Variants in PYGL observed in about 807,000 individuals in gnomAD.
PYGL encodes glycogen phosphorylase L.
In PYGL, 90 loss-of-function variants were observed where a neutral mutation model predicts 100.1. The observed-to-expected ratio is 0.90, with a 90% CI of 0.76 to 1.07. The LOEUF (loss-of-function observed/expected upper bound fraction) is 1.07, where lower values mean the gene tolerates loss of function less well. Among genes scored for constraint, PYGL ranks in the 50% least tolerant of loss-of-function variants. The pLI is 0.00. For synonymous variants in PYGL, 373 were observed against 393.0 expected (o/e 0.95, Z 0.60); for missense variants, 1,016 against 1,057.6 (o/e 0.96, Z 0.55).
chr14:50,922,051 G>A (rs1490388781), intron 5 of PYGL, among the ~76,000 whole-genome samples: 4 of 152,198 alleles, frequency 2.6e-5, no homozygotes, highest in Non-Finnish European at 4.4e-5. Flanking sequence ...TAGAGAAGAG[G>A]AAGATTAACT....
At chr14:50,941,682 C>A (rs936013910) in intron 1 of PYGL, among the ~76,000 whole-genome samples, 1 of 152,102 alleles carries the variant, frequency 6.6e-6, no homozygotes, top group African/African-American at 2.4e-5. Flanking sequence ...AGTTCGAGAC[C>A]AGCCTGTCCA....
intron 1 of PYGL, among the ~76,000 whole-genome samples, chr14:50,941,785 G>A (rs2050704205): frequency 6.6e-6 from 1 of 152,144 alleles, no homozygotes; most frequent in African/African-American, 2.4e-5. Flanking sequence ...GGCTAAGGCA[G>A]GAGAATCACT....
chr14:50,925,374 G>T (rs1039377964), intron 4 of PYGL, among the ~76,000 whole-genome samples: 4 of 152,170 alleles, frequency 2.6e-5, no homozygotes, highest in African/African-American at 9.7e-5. Flanking sequence ...TTAAAAAATG[G>T]AATTGTGTTC....
intron 1 of PYGL, among the ~76,000 whole-genome samples, chr14:50,942,826 C>T (rs1469102065): frequency 2.1e-5 from 1 of 48,464 alleles, no homozygotes; most frequent in Non-Finnish European, 6.4e-5. Flanking sequence ...CTGTCTCAAA[C>T]AAAACAAAAC....
chr14:50,921,107 AG>A, intron 5 of PYGL, 40 bp from the exon 6 acceptor site: 1 of 1,493,138 alleles, frequency 6.7e-7, no homozygotes, highest in South Asian at 1.1e-5. Context: ...TTGTTTCCCA[AG>A]TGTGATGACA....
In PYGL at chr14:50,940,150, C is replaced by T. The variant is rs80311113; in HGVS notation, c.244-2313G>A. Among the ~76,000 whole-genome samples, 6 of 152,296 alleles carry T rather than the reference C, an allele frequency of 3.9e-5. No homozygotes were observed. The East Asian group carries it at 9.6e-4, about 24-fold the overall frequency. On this transcript the variant is annotated intron_variant, in intron 1 of 19. Transcript: ENST00000216392. Reference sequence around the variant, plus strand: ...ATAGGCAATGGCTGGTGCTCTAGTACGTGATGACCGCTGTCACAGGTAATA... The same window carrying T: ...ATAGGCAATGGCTGGTGCTCTAGTATGTGATGACCGCTGTCACAGGTAATA...
In PYGL at chr14:50,913,123, C is replaced by T. The variant is rs759437587; in HGVS notation, c.1526G>A (p.Gly509Glu). 1.2e-6 allele frequency: 2 copies of T among 1,613,504 alleles called. No individual in the cohort carries two copies. The highest frequency in any genetic ancestry group is 2.2e-5 in the South Asian group (2 of 91,064). Residue 509 changes from glycine to glutamate, a missense_variant, in exon 13 of 20, where the codon GGA (glycine) becomes GAA (glutamate). Transcript: ENST00000216392. The stretch of plus-strand genomic sequence containing the variant: ...GCTCAGGTCTTTCACATAGTCTTCT[C>T]CAATTTTCTTTCAATTCAAAGGAAA... ...GLAELIAEKI[G>E]EDYVKDLSQL...
At chr14:50,908,247 T>C in intron 19 of PYGL, 24 bp downstream of exon 19, 1 of 1,545,086 alleles carries the variant, frequency 6.5e-7, no homozygotes, top group Non-Finnish European at 8.9e-7. Flanking sequence ...TGGTTTTCTT[T>C]ATAAATCTTG....
In PYGL at chr14:50,910,089, TG is replaced by T; in HGVS notation, c.1982del (p.Thr661LysfsTer20). On this transcript the variant is annotated frameshift_variant, in exon 17 of 20. Coordinates refer to ENST00000216392, the MANE Select transcript of PYGL (RefSeq NM_002863.5). LOFTEE classifies it high-confidence loss of function. The stretch of plus-strand genomic sequence containing the variant: ...CAGTGGAAATCTGCTCTGACAGATC[TG>T]TGGCTGGAATGACTGCAAGAAAGGT... ...VSLAEKVIPA[T>X]DLSEQISTAG... 1 of 1,613,910 alleles carries T rather than the reference TG, an allele frequency of 6.2e-7. No homozygotes were observed. The highest frequency in any genetic ancestry group is 8.5e-7 in the Non-Finnish European group (1 of 1,179,750).
chr14:50,929,608 ATAG>A (rs1235824358), intron 4 of PYGL, among the ~76,000 whole-genome samples: 1 of 152,298 alleles, frequency 6.6e-6, no homozygotes, highest in East Asian at 1.9e-4. Flanking sequence ...CCATCTGATA[ATAG>A]TTAAGAGATA....
intron 12 of PYGL, 98 bp from the exon 13 acceptor site, chr14:50,913,228 T>G: frequency 1.1e-6 from 1 of 943,510 alleles, no homozygotes; most frequent in Non-Finnish European, 1.7e-6. Context: ...CCTACCACAG[T>G]GTAGTTCACG....
chr14:50,915,463 G>GATCC lies in PYGL; in HGVS notation c.1275_1276insGGAT (p.Leu426GlyfsTer34). 6.2e-7 allele frequency: 1 copy of GATCC among 1,614,188 alleles called. No homozygotes were observed. The highest frequency in any genetic ancestry group is 8.5e-7 in the Non-Finnish European group (1 of 1,180,048). On this transcript the variant is annotated frameshift_variant, in exon 11 of 20. Coordinates refer to ENST00000216392, the MANE Select transcript of PYGL (RefSeq NM_002863.5). LOFTEE classifies it high-confidence loss of function. ...TCTTCTATCAGAGACATCCTTCTCA[G>GATCC]ACGGTCCACATCTTTAGGAAACAAG...
chr14:50,913,225 C>T (rs1566501998), intron 12 of PYGL, 95 bp from the exon 13 acceptor site: 1 of 952,290 alleles, frequency 1.1e-6, no homozygotes, highest in Non-Finnish European at 1.7e-6. Context: ...TCACCTACCA[C>T]AGTGTAGTTC....
At position 50,917,087 on chromosome 14, in the gene PYGL, G is replaced by A; in HGVS notation, c.874C>T (p.Leu292=). 1 of 1,613,990 alleles carries A rather than the reference G, an allele frequency of 6.2e-7. No individual in the cohort carries two copies. Among genetic ancestry groups the A allele is most frequent in the Non-Finnish European group, 8.5e-7 (1 of 1,179,880 alleles). Residue 292 remains leucine (L), a synonymous_variant, in exon 8 of 20, where the codon CTA becomes TTA. Coordinates refer to ENST00000216392, the MANE Select transcript of PYGL (RefSeq NM_002863.5). The part of the protein sequence containing the change: ...PNDNFFEGKE[L]RLKQEYFVVA... ...ACAAAGTATTCCTGCTTCAATCTTA[G>A]CTCCTTCCCTTCAAAAAACTTCAAG... is the stretch of plus-strand genomic sequence containing the variant.
At position 50,908,317 on chromosome 14, in the gene PYGL, T is replaced by C; in HGVS notation, c.2333A>G (p.Tyr778Cys). 2 of 1,603,758 alleles carry C rather than the reference T, an allele frequency of 1.2e-6. No homozygotes were observed. Among genetic ancestry groups the C allele is most frequent in the Non-Finnish European group, 1.7e-6 (2 of 1,170,538 alleles). ...YHDRFKVFAD[Y>C]EAYVKCQDKV... Reference sequence around the variant, plus strand: ...ATCTTGACACTTGACATAGGCTTCGTAGTCTGCAAAGACTTTAAACCTTTT... The same window carrying C: ...ATCTTGACACTTGACATAGGCTTCGCAGTCTGCAAAGACTTTAAACCTTTT... The change falls in exon 19 of 20, where the codon TAC becomes TGC. Residue 778 changes from tyrosine (Y) to cysteine (C), a missense_variant. Coordinates refer to ENST00000216392, the MANE Select transcript of PYGL (RefSeq NM_002863.5).
chr14:50,915,769 G>A, intron 10 of PYGL, 56 bp downstream of exon 10: 3 of 1,583,356 alleles, frequency 1.9e-6, no homozygotes, highest in Non-Finnish European at 2.6e-6. Context: ...GTAGCCATCT[G>A]TAACACCTTA....
chr14:50,933,516 C>A (rs1439086485), intron 3 of PYGL, among the ~76,000 whole-genome samples: 1 of 152,124 alleles, frequency 6.6e-6, no homozygotes, highest in East Asian at 1.9e-4. Flanking sequence ...AGAATACAAT[C>A]TGATACATGT....
chr14:50,922,643 C>A (rs2050512480), intron 5 of PYGL, among the ~76,000 whole-genome samples: 1 of 152,186 alleles, frequency 6.6e-6, no homozygotes, highest in African/African-American at 2.4e-5. Context: ...CTCTCTGGGA[C>A]ACTCCATGTG....
intron 16 of PYGL, among the ~76,000 whole-genome samples, chr14:50,910,465 C>G (rs535516744): frequency 2.7e-5 from 4 of 149,970 alleles, no homozygotes; most frequent in Middle Eastern, 3.4e-3. Context: ...TTTTTTCTTT[C>G]TCTTTTTTGG....
Sources: gnomAD v4.1 joint callset for allele counts (sites outside exome capture counted in the v4.1 genomes callset) on GRCh38, gnomAD v4.1.1 for gene constraint, MANE v1.5 for transcripts, NCBI Gene and HGNC (gene_info 2026-07-23, HGNC 2026-07-21) for gene names.